The following RIMBP2 variants were observed in gnomAD, a reference collection of about 807,000 sequenced individuals.
RIMBP2 encodes the protein RIMS-binding protein 2.
RIMBP2 carries 48 observed loss-of-function variants against 118.6 expected under a neutral mutation model. The observed-to-expected ratio is 0.40, with a 90% CI of 0.32 to 0.51. The LOEUF is 0.51. RIMBP2 is among the 20% of genes least tolerant of loss of function. RIMBP2 has a pLI of 0.41. For missense variants in RIMBP2, 1,551 were observed against 1,768.3 expected (o/e 0.88, Z 2.20); for synonymous variants, 762 against 742.9 (o/e 1.03, Z -0.42).
intron 6 of RIMBP2, among the ~76,000 whole-genome samples, chr12:130,462,507 G>A (rs1246180592): frequency 6.6e-6 from 1 of 152,168 alleles, no homozygotes; most frequent in Non-Finnish European, 1.5e-5. Flanking sequence ...GTTGGTTAAA[G>A]TGAAGATATG....
At chr12:130,701,370 G>A (rs1384347078) in intron 1 of RIMBP2, among the ~76,000 whole-genome samples, 1 of 152,184 alleles carries the variant, frequency 6.6e-6, no homozygotes, top group Non-Finnish European at 1.5e-5. Flanking sequence ...AAGCTACGTG[G>A]CACTTTCTGC....
intron 1 of RIMBP2, among the ~76,000 whole-genome samples, chr12:130,686,440 G>A (rs2136610217): frequency 6.6e-6 from 1 of 152,284 alleles, no homozygotes; most frequent in East Asian, 1.9e-4. Flanking sequence ...CGGGCACCTC[G>A]TCCCCTTTGT....
chr12:130,709,926 G>T (rs1346874530), intron 1 of RIMBP2, among the ~76,000 whole-genome samples: 1 of 152,126 alleles, frequency 6.6e-6, no homozygotes, highest in Non-Finnish European at 1.5e-5. Flanking sequence ...AGGGGAAGGA[G>T]CGCGGTAAGA....
At chr12:130,560,845 G>A (rs1306693650) in intron 2 of RIMBP2, among the ~76,000 whole-genome samples, 2 of 152,278 alleles carry the variant, frequency 1.3e-5, no homozygotes, top group African/African-American at 4.8e-5. Context: ...GCTGAGTTGT[G>A]CCCTCACATC....
rs1351723622 is a variant in RIMBP2, at chr12:130,396,584, C to T, written c.*777G>A. On this transcript the variant is annotated 3_prime_UTR_variant, in exon 23 of 23. Coordinates refer to ENST00000690449, the MANE Select transcript of RIMBP2 (RefSeq NM_001393629.1). ...TTCATTGCTGTGTATTTGGGTATGG[C>T]ATTTTGACAACGAAAGTAACAGAAA... The T allele has an allele frequency of 2.0e-5, 3 of 152,614 alleles. No individual in the cohort carries two copies. Among genetic ancestry groups the T allele is most frequent in the Non-Finnish European group, 4.4e-5 (3 of 68,040 alleles). 9.5% of individuals were successfully genotyped at this position (152,614 alleles called of 1,614,324 possible). A position where few individuals can be genotyped will look rare whatever the true frequency, so the allele number is the denominator to read the frequency against.
intron 2 of RIMBP2, among the ~76,000 whole-genome samples, chr12:130,542,279 C>G (rs1041865377): frequency 6.7e-6 from 1 of 149,370 alleles, no homozygotes; most frequent in Non-Finnish European, 1.5e-5. Flanking sequence ...TTTGGAGAAG[C>G]AGCAGGAAGT....
intron 2 of RIMBP2, among the ~76,000 whole-genome samples, chr12:130,580,960 T>C (rs146331134): frequency 0.011 from 1,616 of 152,188 alleles, 17 homozygotes; most frequent in Non-Finnish European, 0.018. Flanking sequence ...TGTTTGTGTG[T>C]GTGTGTGTAT....
chr12:130,497,518 G>A (rs911103072), intron 4 of RIMBP2, among the ~76,000 whole-genome samples: 20 of 152,336 alleles, frequency 1.3e-4, no homozygotes, highest in Middle Eastern at 3.4e-3. Flanking sequence ...CGGGCCATGG[G>A]AGAAGGGGCT....
chr12:130,539,913 TAGATGAGGTGG>T, intron 2 of RIMBP2, among the ~76,000 whole-genome samples: 3 of 121,778 alleles, frequency 2.5e-5, no homozygotes, highest in Non-Finnish European at 3.4e-5. Context: ...GCAAATGCAG[TAGATGAGGTGG>T]CCAGGTGTAG....
chr12:130,636,124 C>G (rs1161257228), intron 1 of RIMBP2, among the ~76,000 whole-genome samples: 1 of 152,164 alleles, frequency 6.6e-6, no homozygotes, highest in Non-Finnish European at 1.5e-5. Flanking sequence ...GAGTCTTTGG[C>G]CTCTCTCGGC....
chr12:130,451,351 A>G lies in RIMBP2; in HGVS notation c.359-11T>C, dbSNP rs762444176. ...TAGCGCTCTCCTGACCTGGCCACGA[A>G]CATTAAAACAAGTTGAAACAAATAT... On this transcript the variant is annotated splice_polypyrimidine_tract_variant and intron_variant, in intron 7 of 22. Transcript: ENST00000690449. 14 of 1,590,662 alleles carry G rather than the reference A, an allele frequency of 8.8e-6. No individual in the cohort carries two copies. Among genetic ancestry groups the G allele is most frequent in the Non-Finnish European group, 8.6e-6 (10 of 1,163,402 alleles).
At chr12:130,515,347 C>CT (rs1391061290) in intron 3 of RIMBP2, among the ~76,000 whole-genome samples, 1 of 152,184 alleles carries the variant, frequency 6.6e-6, no homozygotes, top group Non-Finnish European at 1.5e-5. Flanking sequence ...AACTGAAACT[C>CT]TGTCTTCATT....
intron 4 of RIMBP2, among the ~76,000 whole-genome samples, chr12:130,489,559 C>T (rs908404482): frequency 5.3e-5 from 8 of 152,060 alleles, no homozygotes; most frequent in East Asian, 1.9e-4. Flanking sequence ...GTAGAGGCTC[C>T]GTCTCCTGTA....
intron 1 of RIMBP2, among the ~76,000 whole-genome samples, chr12:130,632,771 A>G (rs2062081920): frequency 1.3e-5 from 2 of 152,270 alleles, no homozygotes; most frequent in Non-Finnish European, 2.9e-5. Context: ...GGGGCTGTGC[A>G]TAACCAACCC....
rs561461574 is a variant in RIMBP2 at position 130,445,520 on chromosome 12, A to G, written c.582-251T>C. 7.2e-5 allele frequency among the ~76,000 whole-genome samples: 11 copies of G among 152,344 alleles called. No homozygotes were observed. In the East Asian group the frequency reaches 2.1e-3, roughly 29 times the overall value. ...ATATGCTCAGAACTATTTGCATCAG[A>G]TAACAGGTTTATGATTCTGACATTC... On this transcript the variant is annotated intron_variant, in intron 9 of 22. Coordinates refer to ENST00000690449, the MANE Select transcript of RIMBP2 (RefSeq NM_001393629.1).
intron 2 of RIMBP2, among the ~76,000 whole-genome samples, chr12:130,552,838 A>C (rs2055941097): frequency 6.6e-6 from 1 of 152,154 alleles, no homozygotes; most frequent in African/African-American, 2.4e-5. Context: ...TCCATTTTGC[A>C]GCAATAGTTA....
chr12:130,423,985 G>A (rs2136741403), intron 16 of RIMBP2, among the ~76,000 whole-genome samples, 157 bp downstream of exon 16: 1 of 152,278 alleles, frequency 6.6e-6, no homozygotes, highest in African/African-American at 2.4e-5. Flanking sequence ...AGGTTGGGAA[G>A]CAAATCGGAC....
intron 4 of RIMBP2, among the ~76,000 whole-genome samples, chr12:130,481,845 C>G (rs56256936): frequency 6.6e-6 from 1 of 152,208 alleles, no homozygotes; most frequent in Admixed American, 6.5e-5. Context: ...CTGCTCCCCC[C>G]GCCCCGCTGG....
chr12:130,629,353 C>A (rs2061840805), intron 1 of RIMBP2, among the ~76,000 whole-genome samples: 1 of 152,162 alleles, frequency 6.6e-6, no homozygotes, highest in Admixed American at 6.5e-5. Context: ...AGCTGTTAGG[C>A]CCAAGCATGA....
Sources: allele counts gnomAD v4.1 joint callset (sites outside exome capture counted in the v4.1 genomes callset), GRCh38; gene constraint gnomAD v4.1.1; transcripts MANE v1.5; gene names NCBI Gene and HGNC (gene_info 2026-07-23, HGNC 2026-07-21).